ATXN8OS: variants seen among roughly 807,000 people sequenced by gnomAD.
ATXN8OS encodes the protein ATXN8 opposite strand (non-protein coding).
intron 4 of ATXN8OS, among the ~76,000 whole-genome samples, chr13:70,167,411 A>C (rs9529686): frequency 0.73 from 110,845 of 151,696 alleles, 41,849 homozygotes; most frequent in Non-Finnish European, 0.83. Context: ...ATGGCAAGGA[A>C]AAAAAACCAA....
chr13:70,152,322 T>A (rs568031540), intron 4 of ATXN8OS, among the ~76,000 whole-genome samples: 1 of 150,778 alleles, frequency 6.6e-6, no homozygotes, highest in Admixed American at 6.7e-5. Flanking sequence ...CTTTATATCG[T>A]CTATCCCAGC....
intron 1 of ATXN8OS, among the ~76,000 whole-genome samples, chr13:70,112,988 T>C (rs1247708753): frequency 6.7e-6 from 1 of 148,186 alleles, no homozygotes; most frequent in Non-Finnish European, 1.5e-5. Flanking sequence ...AGTGGCGTGA[T>C]TCCTGCTCAC....
chr13:70,119,670 A>C (rs1888330102), intron 2 of ATXN8OS, among the ~76,000 whole-genome samples: 1 of 152,278 alleles, frequency 6.6e-6, no homozygotes, highest in East Asian at 1.9e-4. Context: ...CAGTTCTAAC[A>C]TCTGGAACTT....
intron 4 of ATXN8OS, among the ~76,000 whole-genome samples, chr13:70,164,815 T>C (rs1222106056): frequency 1.3e-5 from 2 of 151,992 alleles, no homozygotes; most frequent in Non-Finnish European, 2.9e-5. Context: ...TTCTAGAAAA[T>C]GATTGCTCCA....
At chr13:70,118,473 A>C (rs564641840) in intron 2 of ATXN8OS, among the ~76,000 whole-genome samples, 1 of 152,192 alleles carries the variant, frequency 6.6e-6, no homozygotes, top group Admixed American at 6.6e-5. Context: ...GTAGAAAAAA[A>C]ATTTATTCAA....
intron 4 of ATXN8OS, among the ~76,000 whole-genome samples, chr13:70,162,089 A>C (rs1889016546): frequency 6.6e-6 from 1 of 152,022 alleles, no homozygotes; most frequent in Non-Finnish European, 1.5e-5. Context: ...ATAAAGGAGA[A>C]AAAGGAAGAG....
chr13:70,138,104 T>C (rs143719362), intron 3 of ATXN8OS, among the ~76,000 whole-genome samples: 6 of 152,314 alleles, frequency 3.9e-5, no homozygotes, highest in East Asian at 1.9e-4. Flanking sequence ...TCCTCCAACA[T>C]TGGGGCTTAC....
intron 3 of ATXN8OS, among the ~76,000 whole-genome samples, chr13:70,133,490 A>G (rs908136773): frequency 1.3e-5 from 2 of 152,208 alleles, no homozygotes; most frequent in Non-Finnish European, 2.9e-5. Flanking sequence ...GTGTTTCCCC[A>G]CAAAGATACG....
chr13:70,132,580 A>G (rs1820275822), intron 3 of ATXN8OS, among the ~76,000 whole-genome samples: 1 of 152,094 alleles, frequency 6.6e-6, no homozygotes, highest in Non-Finnish European at 1.5e-5. Flanking sequence ...ATACCCAGGT[A>G]AGAAACTTGC....
At chr13:70,140,997 C>T (rs1370566547) in intron 3 of ATXN8OS, among the ~76,000 whole-genome samples, 1 of 152,064 alleles carries the variant, frequency 6.6e-6, no homozygotes, top group African/African-American at 2.4e-5. Flanking sequence ...TCATTCCTAC[C>T]ATAGTTGAAC....
intron 3 of ATXN8OS, among the ~76,000 whole-genome samples, chr13:70,141,926 C>A (rs9564658): frequency 0.26 from 40,086 of 151,726 alleles, 5,445 homozygotes; most frequent in Admixed American, 0.31. Flanking sequence ...TTTTGTTCCC[C>A]AGGCTGGAAC....
chr13:70,125,538 TC>T (rs1386225501), intron 2 of ATXN8OS, among the ~76,000 whole-genome samples: 1 of 152,208 alleles, frequency 6.6e-6, no homozygotes, highest in Non-Finnish European at 1.5e-5. Flanking sequence ...GAATTGACAC[TC>T]ACATAGGATA....
intron 3 of ATXN8OS, among the ~76,000 whole-genome samples, chr13:70,138,785 C>G (rs529801103): frequency 4.3e-4 from 65 of 151,870 alleles, no homozygotes; most frequent in Non-Finnish European, 8.1e-4. Context: ...ACATTTTAAC[C>G]TTTAATTTAA....
At chr13:70,150,336 T>C (rs1888844644) in intron 4 of ATXN8OS, among the ~76,000 whole-genome samples, 1 of 152,038 alleles carries the variant, frequency 6.6e-6, no homozygotes, top group Non-Finnish European at 1.5e-5. Flanking sequence ...TATGGTCAAG[T>C]TTGTTTGAAG....
intron 2 of ATXN8OS, among the ~76,000 whole-genome samples, chr13:70,129,325 C>G (rs1031818193): frequency 7.9e-5 from 12 of 151,830 alleles, no homozygotes; most frequent in African/African-American, 2.9e-4. Context: ...TATAATCATA[C>G]TTGGATTATG....
At chr13:70,153,014 C>CTCTGTG (rs1888890209) in intron 4 of ATXN8OS, among the ~76,000 whole-genome samples, 1 of 141,708 alleles carries the variant, frequency 7.1e-6, no homozygotes, top group Admixed American at 7.1e-5. Flanking sequence ...TAAGAAAAAA[C>CTCTGTG]TGTGTGTGTG....
intron 3 of ATXN8OS, among the ~76,000 whole-genome samples, chr13:70,141,962 C>T (rs1004522682): frequency 1.1e-4 from 16 of 152,124 alleles, no homozygotes; most frequent in Non-Finnish European, 1.5e-5. Context: ...CGGCTCACTG[C>T]AACCTGCACC....
At position 70,124,777 on chromosome 13, in the gene ATXN8OS, G is replaced by A. The variant is rs145605225; in HGVS notation, n.399-5007G>A. On this transcript the variant is annotated intron_variant and non_coding_transcript_variant, in intron 2 of 4. Transcript: ENST00000678624. ...AACCACTAATTACTGAAGATATATC[G>A]TTGTCATCTCCTTTGTACACTAATA... 1.1e-3 allele frequency among the ~76,000 whole-genome samples: 165 copies of A among 151,822 alleles called. 2 individuals are homozygous for A. Among genetic ancestry groups the A allele is most frequent in the African/African-American group, 3.7e-3 (152 of 41,422 alleles).
At chr13:70,157,142 T>C (rs1272166235) in intron 4 of ATXN8OS, among the ~76,000 whole-genome samples, 1 of 152,142 alleles carries the variant, frequency 6.6e-6, no homozygotes, top group African/African-American at 2.4e-5. Flanking sequence ...GATTAAAGGC[T>C]CGTAACAACA....
Sources: allele counts gnomAD v4.1 joint callset (sites outside exome capture counted in the v4.1 genomes callset), GRCh38; gene constraint gnomAD v4.1.1; transcripts MANE v1.5; gene names NCBI Gene and HGNC (gene_info 2026-07-23, HGNC 2026-07-21).